Variants in RAB38 observed in about 807,000 individuals in gnomAD.
RAB38 encodes the protein RAB38, member RAS oncogene family, also known as ras-related protein Rab-38.
RAB38 carries 15 observed loss-of-function variants against 18.4 expected under a neutral mutation model. The ratio of observed to expected loss-of-function variants is 0.82; its 90% CI spans 0.55 to 1.26. The LOEUF is 1.26. Among genes scored for constraint, RAB38 ranks in the 50% most tolerant of loss-of-function variants. The pLI, the probability that RAB38 is intolerant of heterozygous loss-of-function variation, is 0.00. For missense variants in RAB38, 294 were observed against 267.4 expected (o/e 1.10, Z -0.69); for synonymous variants, 101 against 104.4 (o/e 0.97, Z 0.20).
rs182762345 is a variant in RAB38, at chr11:88,123,165, G to A, written c.484-9025C>T. Among the ~76,000 whole-genome samples the A allele has an allele frequency of 3.9e-5, 6 of 152,198 alleles. 1 individual carries two copies. The highest frequency in any genetic ancestry group is 3.9e-4 in the Admixed American group (6 of 15,284). ...CATGGGAAATCCCCCCTGACTCCCC[G>A]AGGCTGAGCAGGAATCCCTCTATTC... On this transcript the variant is annotated intron_variant, in intron 2 of 2. Transcript: ENST00000243662.
the RAB38 span, among the ~76,000 whole-genome samples, chr11:87,877,387 T>A: frequency 6.6e-6 from 1 of 151,540 alleles, no homozygotes; most frequent in Non-Finnish European, 1.5e-5. Flanking sequence ...AGAATTATTG[T>A]GAGGAATAAA....
At chr11:88,154,826 G>A (rs1943105747) in intron 1 of RAB38, among the ~76,000 whole-genome samples, 2 of 152,118 alleles carry the variant, frequency 1.3e-5, no homozygotes, top group African/African-American at 2.4e-5. Flanking sequence ...CACCACACCT[G>A]TCCTGAACAT....
chr11:87,885,237 C>T, the RAB38 span, among the ~76,000 whole-genome samples: 1 of 151,394 alleles, frequency 6.6e-6, no homozygotes, highest in Admixed American at 6.6e-5. Flanking sequence ...CTGAATATTC[C>T]TGCTTCTGCT....
chr11:87,938,672 GA>G, the RAB38 span, among the ~76,000 whole-genome samples: 98 of 118,246 alleles, frequency 8.3e-4, 1 homozygote, highest in Middle Eastern at 4.3e-3. Context: ...TTGTTTGCCA[GA>G]AAAAAAAAAA....
intron 1 of RAB38, chr11:88,167,435 C>G (rs980885320): frequency 6.6e-6 from 1 of 152,060 alleles, no homozygotes; most frequent in East Asian, 1.9e-4. Context: ...AGAATATCAA[C>G]TGGAGAACAA....
chr11:88,089,819 G>T, the RAB38 span, among the ~76,000 whole-genome samples: 1 of 151,922 alleles, frequency 6.6e-6, no homozygotes. Flanking sequence ...GCCCGCAATG[G>T]ACACAGATTT....
chr11:87,920,392 C>T, the RAB38 span, among the ~76,000 whole-genome samples: 1 of 151,856 alleles, frequency 6.6e-6, no homozygotes, highest in Admixed American at 6.6e-5. Context: ...TATTCATTGA[C>T]CAATTGGTTG....
the RAB38 span, among the ~76,000 whole-genome samples, chr11:87,920,132 T>G: frequency 1.3e-5 from 2 of 151,970 alleles, no homozygotes; most frequent in Non-Finnish European, 2.9e-5. Context: ...TTTTATAATC[T>G]GTATTTTATT....
In RAB38 at chr11:88,137,765, T is replaced by C. The variant is rs1942854548; in HGVS notation, c.483+11910A>G. 2.6e-5 allele frequency among the ~76,000 whole-genome samples: 4 copies of C among 152,192 alleles called. No individual in the cohort carries two copies. In the South Asian group the frequency reaches 8.3e-4, roughly 32 times the overall value. On this transcript the variant is annotated intron_variant, in intron 2 of 2. Transcript: ENST00000243662. ...AGCACAGGATTGTGGACTTTCAGAT[T>C]ACCAGGGGTAAAGAGATGATTCTAA...
At chr11:88,103,074 C>T in the RAB38 span, among the ~76,000 whole-genome samples, 2 of 151,886 alleles carry the variant, frequency 1.3e-5, no homozygotes, top group African/African-American at 2.4e-5. Context: ...CTTTTTTCAC[C>T]CTTGATAATT....
chr11:87,853,602 A>G, the RAB38 span, among the ~76,000 whole-genome samples: 1 of 152,196 alleles, frequency 6.6e-6, no homozygotes, highest in Admixed American at 6.5e-5. Flanking sequence ...AAAAAATACT[A>G]TGTTCTGGGA....
At chr11:88,037,190 A>G in the RAB38 span, among the ~76,000 whole-genome samples, 1 of 152,088 alleles carries the variant, frequency 6.6e-6, no homozygotes, top group African/African-American at 2.4e-5. Context: ...AGGGTCAATT[A>G]TGATAAATAG....
the RAB38 span, among the ~76,000 whole-genome samples, chr11:88,028,545 G>A: frequency 6.6e-6 from 1 of 152,154 alleles, no homozygotes; most frequent in Non-Finnish European, 1.5e-5. Context: ...GGGGATAATG[G>A]AGCTGAAAGC....
the RAB38 span, among the ~76,000 whole-genome samples, chr11:87,881,583 A>G: frequency 2.6e-5 from 4 of 152,020 alleles, no homozygotes; most frequent in East Asian, 2.0e-4. Context: ...ATTATTTGCC[A>G]CACTACACTA....
At chr11:88,039,129 CTTTGT>C in the RAB38 span, among the ~76,000 whole-genome samples, 6 of 152,108 alleles carry the variant, frequency 3.9e-5, no homozygotes, top group Middle Eastern at 3.4e-3. Context: ...TGTCGTGTTC[CTTTGT>C]TTTTAGTTGG....
chr11:87,854,215 A>G, the RAB38 span, among the ~76,000 whole-genome samples: 6 of 152,286 alleles, frequency 3.9e-5, no homozygotes, highest in South Asian at 2.1e-4. Context: ...TTAGACCACC[A>G]TTCTGCCTGC....
chr11:88,175,281 G>C lies in RAB38; in HGVS notation c.104C>G (p.Ser35Cys). ...GCCGATTGTGGCCCGGTAGTGCGAA[G>C]AGAAGTTCTGGTGCACGTAGCGCTT... ...IIKRYVHQNF[S>C]SHYRATIGVD... The change falls in exon 1 of 3, where the codon TCT becomes TGT. Residue 35 changes from serine (S) to cysteine (C), a missense_variant. Physicochemically the swap from Ser to Cys is moderately radical, Grantham distance 112. Coordinates refer to ENST00000243662, the MANE Select transcript of RAB38 (RefSeq NM_022337.3). The C allele has an allele frequency of 6.2e-7, 1 of 1,614,206 alleles. No homozygotes were observed. Among genetic ancestry groups the C allele is most frequent in the South Asian group, 1.1e-5 (1 of 91,084 alleles).
At chr11:88,069,070 C>T in the RAB38 span, among the ~76,000 whole-genome samples, 11 of 152,286 alleles carry the variant, frequency 7.2e-5, no homozygotes, top group Admixed American at 2.0e-4. Flanking sequence ...AGGCAGGAAC[C>T]GGGGCTGTGC....
intron 1 of RAB38, among the ~76,000 whole-genome samples, chr11:88,161,416 CTCT>C (rs1943188541): frequency 6.6e-6 from 1 of 152,024 alleles, no homozygotes; most frequent in Non-Finnish European, 1.5e-5. Context: ...ATCACTGAAT[CTCT>C]TCTTTATGAA....
Sources: allele counts gnomAD v4.1 joint callset (sites outside exome capture counted in the v4.1 genomes callset), GRCh38; gene constraint gnomAD v4.1.1; transcripts MANE v1.5; gene names NCBI Gene and HGNC (gene_info 2026-07-23, HGNC 2026-07-21).